LRP1B: variants seen among roughly 807,000 people sequenced by gnomAD.
LRP1B encodes low-density lipoprotein receptor-related protein 1B.
In LRP1B, 217 loss-of-function variants were observed where a neutral mutation model predicts 556.6. The observed-to-expected ratio is 0.39, with a 90% CI of 0.35 to 0.44. The LOEUF (loss-of-function observed/expected upper bound fraction) is 0.44. Among genes scored for constraint, LRP1B ranks in the 20% least tolerant of loss-of-function variants. LRP1B has a pLI of 1.00. For missense variants in LRP1B, 5,053 were observed against 5,620.8 expected, an observed-to-expected ratio of 0.90 and a Z score of 3.23; for synonymous variants, 2,047 against 1,865.8, an observed-to-expected ratio of 1.10 and a Z score of -2.50.
intron 3 of LRP1B, among the ~76,000 whole-genome samples, chr2:141,341,965 C>A (rs2105517959): frequency 6.6e-6 from 1 of 152,120 alleles, no homozygotes; most frequent in South Asian, 2.1e-4. Flanking sequence ...ACCCAGGCGG[C>A]CGGGCGCAGT....
intron 1 of LRP1B, among the ~76,000 whole-genome samples, chr2:142,062,929 G>A (rs1704975645): frequency 6.6e-6 from 1 of 151,124 alleles, no homozygotes. Context: ...TGTTCAATAA[G>A]TATTGGAAAG....
Position 140,458,162 on chromosome 2 carries a change from A to G in LRP1B, c.9626-511T>C, listed in dbSNP as rs187072161. ...ACTACCTGGAAATAAAGTGGTTATGAAACTACTATAAACCTTTTCAGCCAC... is the reference window on the plus strand; with the variant it reads ...ACTACCTGGAAATAAAGTGGTTATGGAACTACTATAAACCTTTTCAGCCAC... On this transcript the variant is annotated intron_variant, in intron 60 of 90. Coordinates refer to ENST00000389484, the MANE Select transcript of LRP1B (RefSeq NM_018557.3). Among the ~76,000 whole-genome samples the G allele has an allele frequency of 8.3e-4, 127 of 152,250 alleles. 1 individual carries two copies. Among genetic ancestry groups the G allele is most frequent in the African/African-American group, 3.0e-3 (123 of 41,562 alleles).
chr2:140,668,098 G>T (rs1040579245), intron 41 of LRP1B, among the ~76,000 whole-genome samples: 1 of 151,908 alleles, frequency 6.6e-6, no homozygotes, highest in Non-Finnish European at 1.5e-5. Context: ...GGATCACGAC[G>T]TCAGGAGATC....
At chr2:141,615,406 T>C (rs527666651) in intron 2 of LRP1B, among the ~76,000 whole-genome samples, 5 of 152,312 alleles carry the variant, frequency 3.3e-5, no homozygotes, top group Non-Finnish European at 7.4e-5. Flanking sequence ...TATTAGTCTG[T>C]TCTGTTCACT....
In LRP1B at chr2:140,509,388, TTGTC is replaced by T. The variant is rs577683455; in HGVS notation, c.8398+536_8398+539del. Among the ~76,000 whole-genome samples the T allele has an allele frequency of 6.0e-4, 91 of 152,252 alleles. 1 individual carries two copies. The Middle Eastern group carries it at 0.01, about 17-fold the overall frequency. ...GACTTAGAGTCAGAAACTTAGTAAA[TTGTC>T]TGACCTCCGAAGGTGCTCCTCTGAT... On this transcript the variant is annotated intron_variant, in intron 52 of 90. Transcript: ENST00000389484.
chr2:140,761,901 A>G (rs746933787), intron 35 of LRP1B, among the ~76,000 whole-genome samples: 56 of 152,166 alleles, frequency 3.7e-4, no homozygotes, highest in Non-Finnish European at 2.1e-4. Context: ...ACTAATTTAA[A>G]CATAGTAGAA....
At chr2:141,112,041 G>A (rs1369559845) in intron 7 of LRP1B, among the ~76,000 whole-genome samples, 1 of 122,686 alleles carries the variant, frequency 8.2e-6, no homozygotes, top group African/African-American at 3.2e-5. Flanking sequence ...GTGAGACCCT[G>A]CCTCAAAAAT....
At chr2:140,422,742 GTTTA>G (rs903595973) in intron 66 of LRP1B, among the ~76,000 whole-genome samples, 4 of 152,142 alleles carry the variant, frequency 2.6e-5, no homozygotes, top group African/African-American at 9.7e-5. Context: ...AGCAGTAATT[GTTTA>G]TTTGTTTTCT....
chr2:141,238,548 G>A (rs1256227331), intron 5 of LRP1B, among the ~76,000 whole-genome samples: 8 of 152,032 alleles, frequency 5.3e-5, no homozygotes, highest in African/African-American at 1.9e-4. Flanking sequence ...CAATACAACA[G>A]TGAACAAAAC....
At chr2:141,452,372 T>C (rs1395468131) in intron 3 of LRP1B, among the ~76,000 whole-genome samples, 1 of 152,198 alleles carries the variant, frequency 6.6e-6, no homozygotes, top group East Asian at 1.9e-4. Flanking sequence ...ATGAGACTTT[T>C]TTTTGATGAT....
chr2:140,906,778 A>G (rs973500846), intron 22 of LRP1B, among the ~76,000 whole-genome samples: 1 of 152,096 alleles, frequency 6.6e-6, no homozygotes, highest in African/African-American at 2.4e-5. Flanking sequence ...TGGGCAAGAA[A>G]GAAATGAATA....
chr2:140,906,016 A>C (rs1347318952), intron 22 of LRP1B, among the ~76,000 whole-genome samples: 1 of 152,082 alleles, frequency 6.6e-6, no homozygotes, highest in Non-Finnish European at 1.5e-5. Context: ...TTTTCCTTAT[A>C]TACATTGCTA....
In LRP1B at chr2:140,951,951, T is replaced by A. The variant is rs776293040; in HGVS notation, c.2888-11A>T. 1.9e-6 allele frequency: 3 copies of A among 1,592,044 alleles called. No individual in the cohort carries two copies. Among genetic ancestry groups the A allele is most frequent in the Non-Finnish European group, 2.6e-6 (3 of 1,159,968 alleles). ...CACAAGTTGGGAATTCTGTGAAAGATATAAAAATGTCCAAAAGGTAACATG... is the reference window on the plus strand; with the variant it reads ...CACAAGTTGGGAATTCTGTGAAAGAAATAAAAATGTCCAAAAGGTAACATG... On this transcript the variant is annotated splice_polypyrimidine_tract_variant and intron_variant, in intron 18 of 90. Coordinates refer to ENST00000389484, the MANE Select transcript of LRP1B (RefSeq NM_018557.3).
chr2:141,390,440 C>T (rs183590879), intron 3 of LRP1B, among the ~76,000 whole-genome samples: 5 of 152,280 alleles, frequency 3.3e-5, no homozygotes, highest in East Asian at 3.9e-4. Context: ...GCAAATCCTA[C>T]GTACATATCC....
At chr2:141,061,082 A>C (rs903849756) in intron 8 of LRP1B, among the ~76,000 whole-genome samples, 14 of 151,724 alleles carry the variant, frequency 9.2e-5, no homozygotes, top group Non-Finnish European at 2.1e-4. Context: ...AGGTCCTCTA[A>C]GGTTGTAACT....
chr2:140,346,584 A>G (rs1681696918), intron 77 of LRP1B, among the ~76,000 whole-genome samples: 2 of 151,912 alleles, frequency 1.3e-5, no homozygotes, highest in South Asian at 2.1e-4. Flanking sequence ...ATGACTGTCA[A>G]TTTTTACCAG....
At chr2:141,869,171 G>A (rs1325035257) in intron 1 of LRP1B, among the ~76,000 whole-genome samples, 7 of 152,114 alleles carry the variant, frequency 4.6e-5, no homozygotes, top group Non-Finnish European at 8.8e-5. Flanking sequence ...GTGCAATGAT[G>A]AAAATGTTCT....
At chr2:141,534,561 A>C (rs970544223) in intron 2 of LRP1B, among the ~76,000 whole-genome samples, 18 of 152,128 alleles carry the variant, frequency 1.2e-4, no homozygotes, top group African/African-American at 4.1e-4. Context: ...CTGAGGTCTA[A>C]ATAAGCCACT....
At chr2:141,876,034 T>A (rs1698747220) in intron 1 of LRP1B, among the ~76,000 whole-genome samples, 1 of 152,010 alleles carries the variant, frequency 6.6e-6, no homozygotes, top group Non-Finnish European at 1.5e-5. Flanking sequence ...TTATTAAGTT[T>A]ATAATTTACT....
Sources: allele counts gnomAD v4.1 joint callset (sites outside exome capture counted in the v4.1 genomes callset), GRCh38; gene constraint gnomAD v4.1.1; transcripts MANE v1.5; gene names NCBI Gene and HGNC (gene_info 2026-07-23, HGNC 2026-07-21).